The following ATP8A2 variants were observed in gnomAD, a reference collection of about 807,000 sequenced individuals.
The protein encoded by ATP8A2 is phospholipid-transporting ATPase IB.
Under a neutral mutation model 165.6 loss-of-function variants are expected in ATP8A2, and 100 were observed. That is an observed-to-expected ratio of 0.60 (90% CI 0.51 to 0.71). ATP8A2 has a LOEUF of 0.71. Among genes scored for constraint, ATP8A2 ranks in the 30% least tolerant of loss-of-function variants. The pLI is 0.00. For missense variants in ATP8A2, 1,227 were observed against 1,479.5 expected (o/e 0.83, Z 2.80); for synonymous variants, 543 against 548.8 (o/e 0.99, Z 0.15).
Position 25,839,553 on chromosome 13 carries a change from G to T in ATP8A2, c.2885G>T (p.Trp962Leu), listed in dbSNP as rs1566191079. ...TGGTTTGTTTTTCCTTAGGTTTTCT[G>T]GGGTCACTGCATCAACGCCTTGGTC... ...NGEGFNTKVF[W>L]GHCINALVHS... Residue 962 changes from tryptophan (W) to leucine (L), a missense_variant, in exon 30 of 37, where the codon TGG (tryptophan) becomes TTG (leucine). This residue lies in a region of ATP8A2 where 260 missense variants were observed against 245.1 expected (regional missense o/e 1.06). Coordinates refer to ENST00000381655, the MANE Select transcript of ATP8A2 (RefSeq NM_016529.6). 1 of 1,613,878 alleles carries T rather than the reference G, an allele frequency of 6.2e-7. No individual in the cohort carries two copies. Among genetic ancestry groups the T allele is most frequent in the Non-Finnish European group, 8.5e-7 (1 of 1,179,784 alleles).
intron 24 of ATP8A2, among the ~76,000 whole-genome samples, chr13:25,646,898 A>G (rs1021101127): frequency 2.0e-5 from 3 of 151,932 alleles, no homozygotes; most frequent in African/African-American, 4.8e-5. Flanking sequence ...TTTGTCTACT[A>G]TAGATTTTTG....
At chr13:25,444,253 G>A (rs1035056356) in intron 1 of ATP8A2, among the ~76,000 whole-genome samples, 7 of 152,126 alleles carry the variant, frequency 4.6e-5, no homozygotes, top group African/African-American at 1.7e-4. Flanking sequence ...GTGGTGTGTG[G>A]TATTCTGCTG....
chr13:25,609,305 G>C (rs2040595620), intron 24 of ATP8A2, among the ~76,000 whole-genome samples: 1 of 151,666 alleles, frequency 6.6e-6, no homozygotes, highest in African/African-American at 2.4e-5. Context: ...GTACAATGAA[G>C]AACTAATTTG....
intron 2 of ATP8A2, among the ~76,000 whole-genome samples, chr13:25,486,983 G>A (rs1379210705): frequency 1.3e-5 from 2 of 152,072 alleles, no homozygotes; most frequent in Non-Finnish European, 1.5e-5. Context: ...AATATTAATA[G>A]TAATAATATA....
chr13:25,914,984 A>G (rs1056108556), intron 33 of ATP8A2, among the ~76,000 whole-genome samples: 2 of 152,206 alleles, frequency 1.3e-5, no homozygotes, highest in African/African-American at 4.8e-5. Context: ...TCGCCATGAA[A>G]GGTGTTACTG....
chr13:25,637,221 G>A (rs893563003), intron 24 of ATP8A2, among the ~76,000 whole-genome samples: 7 of 151,910 alleles, frequency 4.6e-5, no homozygotes, highest in Non-Finnish European at 4.4e-5. Context: ...TCCAACTGAG[G>A]TACTGGGTTC....
intron 27 of ATP8A2, among the ~76,000 whole-genome samples, chr13:25,790,733 C>G (rs1011344938): frequency 6.6e-6 from 1 of 151,204 alleles, no homozygotes; most frequent in Non-Finnish European, 1.5e-5. Flanking sequence ...TAAACAGACA[C>G]TTTTCAAAAG....
Position 25,955,027 on chromosome 13 carries a change from GA to G in ATP8A2, c.3184-6546del, listed in dbSNP as rs1955487028. Among the ~76,000 whole-genome samples, 4 of 152,338 alleles carry G rather than the reference GA, an allele frequency of 2.6e-5. No homozygotes were observed. In the South Asian group the frequency reaches 8.3e-4, roughly 32 times the overall value. On this transcript the variant is annotated intron_variant, in intron 33 of 36. Coordinates refer to ENST00000381655, the MANE Select transcript of ATP8A2 (RefSeq NM_016529.6). ...GACGAATGGACAGAAGTAGGTTTCA[GA>G]AGGTGGGTAATAACAAACTCCTCTG...
intron 24 of ATP8A2, among the ~76,000 whole-genome samples, chr13:25,683,363 A>G (rs567364427): frequency 7.9e-5 from 12 of 152,212 alleles, no homozygotes; most frequent in Non-Finnish European, 1.5e-4. Flanking sequence ...TTCTAGACAC[A>G]TAAGTTTCTT....
At chr13:25,508,378 T>C (rs1271457104) in intron 2 of ATP8A2, among the ~76,000 whole-genome samples, 1 of 152,168 alleles carries the variant, frequency 6.6e-6, no homozygotes, top group Non-Finnish European at 1.5e-5. Context: ...CATATGAACA[T>C]GGGTCTTTAT....
At chr13:25,789,330 A>T (rs554041281) in intron 27 of ATP8A2, among the ~76,000 whole-genome samples, 107 of 152,262 alleles carry the variant, frequency 7.0e-4, no homozygotes, top group African/African-American at 2.5e-3. Context: ...TAAAAATAAA[A>T]CTCTAGTGTT....
intron 25 of ATP8A2, among the ~76,000 whole-genome samples, chr13:25,765,744 G>A (rs999255747): frequency 6.6e-6 from 1 of 152,140 alleles, no homozygotes; most frequent in Non-Finnish European, 1.5e-5. Context: ...TGACTTACTT[G>A]AGATCCAAAT....
intron 33 of ATP8A2, among the ~76,000 whole-genome samples, chr13:25,904,806 A>C (rs1230258192): frequency 6.6e-6 from 1 of 152,210 alleles, no homozygotes; most frequent in African/African-American, 2.4e-5. Context: ...TGAGCACCTG[A>C]AGGATAAGAA....
chr13:25,769,915 G>A (rs756426952), intron 26 of ATP8A2, among the ~76,000 whole-genome samples: 4 of 152,166 alleles, frequency 2.6e-5, no homozygotes, highest in Non-Finnish European at 4.4e-5. Flanking sequence ...GGTGGCCTGA[G>A]GATGAAAGAA....
chr13:25,558,413 T>C (rs561038635), intron 13 of ATP8A2, among the ~76,000 whole-genome samples: 1 of 152,326 alleles, frequency 6.6e-6, no homozygotes, highest in East Asian at 1.9e-4. Flanking sequence ...GTCCCTTTGA[T>C]TGTTTTCAAA....
At chr13:25,689,879 A>C (rs141880420) in intron 24 of ATP8A2, among the ~76,000 whole-genome samples, 3 of 152,312 alleles carry the variant, frequency 2.0e-5, no homozygotes, top group East Asian at 1.9e-4. Flanking sequence ...GGAAAAAAAA[A>C]CATCTATTTT....
At chr13:25,586,043 G>T (rs1265224522) in intron 23 of ATP8A2, among the ~76,000 whole-genome samples, 1 of 152,140 alleles carries the variant, frequency 6.6e-6, no homozygotes, top group African/African-American at 2.4e-5. Context: ...TCTATTATGT[G>T]CCCGATACTG....
chr13:25,820,859 G>C (rs1195050318), intron 27 of ATP8A2, among the ~76,000 whole-genome samples: 6 of 152,018 alleles, frequency 3.9e-5, no homozygotes, highest in African/African-American at 1.4e-4. Flanking sequence ...TCAAATTTGA[G>C]CGTTTCAATG....
chr13:25,624,272 A>T (rs1434631318), intron 24 of ATP8A2, among the ~76,000 whole-genome samples: 1 of 152,130 alleles, frequency 6.6e-6, no homozygotes, highest in Non-Finnish European at 1.5e-5. Context: ...ACTTTGGCAG[A>T]GATGGTGGGT....
Sources: allele counts gnomAD v4.1 joint callset (sites outside exome capture counted in the v4.1 genomes callset), GRCh38; gene constraint gnomAD v4.1.1; regional missense constraint gnomAD v4.1.1; transcripts MANE v1.5; gene names NCBI Gene and HGNC (gene_info 2026-07-23, HGNC 2026-07-21).